GPBP1: variants seen among roughly 807,000 people sequenced by gnomAD.
GPBP1 encodes the protein vasculin.
GPBP1 carries 13 observed loss-of-function variants against 56.5 expected under a neutral mutation model. The observed-to-expected ratio is 0.23, with a 90% CI of 0.15 to 0.37. The LOEUF is 0.37. GPBP1 is among the 10% of genes least tolerant of loss of function. The pLI is 1.00. For missense variants in GPBP1, 477 were observed against 572.3 expected (o/e 0.83, Z 1.70); for synonymous variants, 204 against 188.9 (o/e 1.08, Z -0.66).
At chr5:57,204,939 CTACT>C (rs1265794519) in intron 2 of GPBP1, among the ~76,000 whole-genome samples, 11 of 152,238 alleles carry the variant, frequency 7.2e-5, no homozygotes, top group East Asian at 5.8e-4. Context: ...ATATAGTACT[CTACT>C]TACTTTTATT....
At chr5:57,210,884 A>C (rs1026663598) in intron 2 of GPBP1, among the ~76,000 whole-genome samples, 5 of 152,196 alleles carry the variant, frequency 3.3e-5, no homozygotes, top group Non-Finnish European at 5.9e-5. Context: ...TCTGATGGGA[A>C]TAGAACCCAC....
chr5:57,224,471 G>A (rs1756092855), intron 3 of GPBP1, among the ~76,000 whole-genome samples: 1 of 151,830 alleles, frequency 6.6e-6, no homozygotes, highest in Admixed American at 6.6e-5. Flanking sequence ...TCGAACTCCT[G>A]ACCTCAGGCA....
chr5:57,235,499 G>GT (rs535954463), intron 5 of GPBP1, among the ~76,000 whole-genome samples: 47 of 152,004 alleles, frequency 3.1e-4, no homozygotes, highest in African/African-American at 1.1e-3. Context: ...AGAGTAGCCT[G>GT]TTTTTTAACC....
chr5:57,243,872 A>T (rs1740953448), intron 6 of GPBP1, among the ~76,000 whole-genome samples: 1 of 151,734 alleles, frequency 6.6e-6, no homozygotes, highest in East Asian at 1.9e-4. Flanking sequence ...TTTTTTTTGT[A>T]GAGACAAAGT....
intron 8 of GPBP1, among the ~76,000 whole-genome samples, chr5:57,247,606 C>G (rs1293387474): frequency 6.6e-6 from 1 of 152,066 alleles, no homozygotes; most frequent in Non-Finnish European, 1.5e-5. Context: ...AACACCTGAG[C>G]CTGGGAATGT....
At chr5:57,196,057 T>C (rs73127757) in intron 2 of GPBP1, among the ~76,000 whole-genome samples, 4,900 of 150,670 alleles carry the variant, frequency 0.033, 293 homozygotes, top group African/African-American at 0.11. Flanking sequence ...CAATATGATA[T>C]CTGCACATAG....
rs1192568161 is a variant in GPBP1, at chr5:57,249,471, A to G, written c.867A>G (p.Lys289=). 1.2e-6 allele frequency: 2 copies of G among 1,612,292 alleles called. No homozygotes were observed. Among genetic ancestry groups the G allele is most frequent in the Admixed American group, 1.7e-5 (1 of 59,640 alleles). Residue 289 remains lysine (K), a synonymous_variant, in exon 9 of 12, where the codon AAA becomes AAG. Transcript: ENST00000506184. ...DKLNQQPRLT[K]LTRMRTDKKS... ...TTAATCAGCAGCCTCGTCTAACCAA[A>G]CTGACACGAATGCGCACTGATAAGA...
At chr5:57,260,136 T>G (rs1195868753) in intron 10 of GPBP1, among the ~76,000 whole-genome samples, 1 of 152,222 alleles carries the variant, frequency 6.6e-6, no homozygotes, top group Non-Finnish European at 1.5e-5. Context: ...ACTTTAATTT[T>G]TCATTCAGAA....
rs200335044 is a variant in GPBP1 at position 57,234,999 on chromosome 5, G to GA, written c.412-957dup. Among the ~76,000 whole-genome samples, 603 of 149,902 alleles carry GA rather than the reference G, an allele frequency of 4.0e-3. 1 individual carries two copies. Among genetic ancestry groups the GA allele is most frequent in the Non-Finnish European group, 6.2e-3 (421 of 67,366 alleles). ...GATAATAAACATGTGTTGCTATAAT[G>GA]AAAAAAAAAATTAAAATTATTATTA... On this transcript the variant is annotated intron_variant, in intron 5 of 11. Transcript: ENST00000506184.
chr5:57,247,693 T>G (rs1416966681), intron 8 of GPBP1, among the ~76,000 whole-genome samples: 1 of 151,680 alleles, frequency 6.6e-6, no homozygotes, highest in Non-Finnish European at 1.5e-5. Flanking sequence ...TCAAAAGTGG[T>G]GGCAGAGTGG....
At position 57,176,127 on chromosome 5, in the gene GPBP1, GACAAGT is replaced by G; in HGVS notation, c.-326_-321del. 2.5e-6 allele frequency: 1 copy of G among 397,266 alleles called. No individual in the cohort carries two copies. The highest frequency in any genetic ancestry group is 4.4e-6 in the Non-Finnish European group (1 of 225,474). The allele number at this position is 397,266 out of a possible 1,614,324, so 24.6% of individuals were successfully genotyped here. Reference sequence around the variant, plus strand: ...TAAATTGGATATTTCATCTGGAGTGGACAAGTACAACAGTGGCAAGTACATGGAATA... The same window carrying G: ...TAAATTGGATATTTCATCTGGAGTGGACAACAGTGGCAAGTACATGGAATA... On this transcript the variant is annotated 5_prime_UTR_variant, in exon 2 of 12. Coordinates refer to ENST00000506184, the MANE Select transcript of GPBP1 (RefSeq NM_022913.4).
In GPBP1 at chr5:57,246,567, A is replaced by G. The variant is rs563588075; in HGVS notation, c.663+83A>G. The G allele has an allele frequency of 5.1e-6, 6 of 1,173,930 alleles. No individual in the cohort carries two copies. In the African/African-American group the frequency reaches 6.2e-5, roughly 12 times the overall value. The allele number at this position is 1,173,930 out of a possible 1,614,324, so 72.7% of individuals were successfully genotyped here. ...TGGGGGGAAATGTTAAAGAATTTAA[A>G]GTGTGTATGGAGGTACTTCGTGGGG... On this transcript the variant is annotated intron_variant, in intron 7 of 11. Coordinates refer to ENST00000506184, the MANE Select transcript of GPBP1 (RefSeq NM_022913.4).
At chr5:57,193,921 AC>A (rs750836196) in intron 2 of GPBP1, among the ~76,000 whole-genome samples, 6 of 151,904 alleles carry the variant, frequency 3.9e-5, no homozygotes, top group Non-Finnish European at 8.8e-5. Context: ...GAGGAAAGTC[AC>A]CCCTTTAATC....
At chr5:57,199,137 A>G (rs1443525819) in intron 2 of GPBP1, among the ~76,000 whole-genome samples, 3 of 152,216 alleles carry the variant, frequency 2.0e-5, no homozygotes, top group Non-Finnish European at 2.9e-5. Flanking sequence ...GAATACTACT[A>G]TATCAATTCC....
intron 5 of GPBP1, among the ~76,000 whole-genome samples, chr5:57,231,996 T>A (rs1352645351): frequency 6.6e-6 from 1 of 152,208 alleles, no homozygotes; most frequent in African/African-American, 2.4e-5. Context: ...TCTTATTTTT[T>A]TCATGTTTGT....
At chr5:57,234,877 C>T (rs1756600297) in intron 5 of GPBP1, among the ~76,000 whole-genome samples, 1 of 88,330 alleles carries the variant, frequency 1.1e-5, no homozygotes, top group Non-Finnish European at 2.9e-5. Flanking sequence ...GTGAATCTTC[C>T]TATAACCCAT....
chr5:57,202,555 C>CT (rs1203805075), intron 2 of GPBP1, among the ~76,000 whole-genome samples: 3 of 152,160 alleles, frequency 2.0e-5, no homozygotes, highest in Non-Finnish European at 4.4e-5. Context: ...TCCAAAAGTG[C>CT]TAGGATTGCA....
chr5:57,202,773 CTT>C (rs987132633), intron 2 of GPBP1, among the ~76,000 whole-genome samples: 23 of 152,336 alleles, frequency 1.5e-4, no homozygotes, highest in Admixed American at 3.3e-4. Context: ...AATGCCCTCT[CTT>C]ATGCCTTGTA....
chr5:57,236,094 T>C lies in GPBP1; in HGVS notation c.478+62T>C, dbSNP rs114839504. 2,889 of 1,122,708 alleles carry C rather than the reference T, an allele frequency of 2.6e-3. 43 individuals carry two copies. The African/African-American group carries it at 0.04, about 16-fold the overall frequency. The allele number at this position is 1,122,708 out of a possible 1,614,324, so 69.5% of individuals were successfully genotyped here. On this transcript the variant is annotated intron_variant, in intron 6 of 11. Transcript: ENST00000506184. ...ATGTTGATATTTATAGGTTTCACTT[T>C]TTGTGTTTTTTAAAATAGAGAGCAG... is the stretch of plus-strand genomic sequence containing the variant.
Sources: allele counts gnomAD v4.1 joint callset (sites outside exome capture counted in the v4.1 genomes callset), GRCh38; gene constraint gnomAD v4.1.1; transcripts MANE v1.5; gene names NCBI Gene and HGNC (gene_info 2026-07-23, HGNC 2026-07-21).